The following B4GALT2 variants were observed in gnomAD, a reference collection of about 807,000 sequenced individuals.
B4GALT2 encodes N-acetyllactosamine synthase.
Under a neutral mutation model 33.2 loss-of-function variants are expected in B4GALT2, and 18 were observed. The observed-to-expected ratio is 0.54, with a 90% CI of 0.38 to 0.80. The LOEUF (loss-of-function observed/expected upper bound fraction) is 0.80, where lower values mean the gene tolerates loss of function less well. Ranked by LOEUF, B4GALT2 falls within the 30% of genes least tolerant of loss-of-function variation. B4GALT2 has a pLI of 0.00. For synonymous variants in B4GALT2, 214 were observed against 217.6 expected (o/e 0.98, Z 0.15); for missense variants, 404 against 526.2 (o/e 0.77, Z 2.27).
intron 4 of B4GALT2, 94 bp downstream of exon 4, chr1:43,985,149 G>C (rs2154303306): frequency 6.4e-7 from 1 of 1,571,880 alleles, no homozygotes; most frequent in South Asian, 1.2e-5. Context: ...TCCTGGCTGT[G>C]GCCCAGACCC....
At chr1:43,986,676 A>G (rs2085662409) in intron 6 of B4GALT2, among the ~76,000 whole-genome samples, 1 of 152,200 alleles carries the variant, frequency 6.6e-6, no homozygotes, top group Admixed American at 6.5e-5. Context: ...TTCACCATGT[A>G]CATGTCAGGG....
chr1:43,982,054 C>G lies in B4GALT2; in HGVS notation c.549+130C>G. The G allele has an allele frequency of 1.1e-6, 1 of 883,120 alleles. No homozygotes were observed. Among genetic ancestry groups the G allele is most frequent in the South Asian group, 1.6e-5 (1 of 61,998 alleles). The allele number at this position is 883,120 out of a possible 1,614,324, so 54.7% of individuals were successfully genotyped here. On this transcript the variant is annotated intron_variant, in intron 3 of 6. Transcript: ENST00000372324. The surrounding 1 kb of genome is among the most constrained non-coding windows in gnomAD (Gnocchi z 4.3). ...GGTAGTCGGTGTTTGTCAGTGTGCA[C>G]AGGAATGTGTACGCACAGTGTGTGC...
chr1:43,985,449 G>GA (rs2085647560), intron 5 of B4GALT2, 49 bp downstream of exon 5: 1 of 858,858 alleles, frequency 1.2e-6, no homozygotes, highest in Non-Finnish European at 1.8e-6. Context: ...GGGGAGGGGG[G>GA]GTGCAGACTG....
rs1181578058 is a variant in B4GALT2 at position 43,990,574 on chromosome 1, A to C, written c.*126A>C. 1.5e-6 allele frequency: 2 copies of C among 1,338,822 alleles called. No individual in the cohort carries two copies. The highest frequency in any genetic ancestry group is 1.0e-6 in the Non-Finnish European group (1 of 972,702). The allele number at this position is 1,338,822 out of a possible 1,614,324, so 82.9% of individuals were successfully genotyped here. A position where few individuals can be genotyped will look rare whatever the true frequency, so the allele number is the denominator to read the frequency against. On this transcript the variant is annotated 3_prime_UTR_variant, in exon 7 of 7. Coordinates refer to ENST00000372324, the MANE Select transcript of B4GALT2 (RefSeq NM_003780.5). ...TGGGCTCTGTTTTCCAAGGGTCTTCACTAGGCCCCCTAGCTACACCTGGAA... is the reference window on the plus strand; with the variant it reads ...TGGGCTCTGTTTTCCAAGGGTCTTCCCTAGGCCCCCTAGCTACACCTGGAA...
At chr1:43,980,547 C>T (rs970239235) in intron 1 of B4GALT2, 17 of 994,342 alleles carry the variant, frequency 1.7e-5, no homozygotes, top group Non-Finnish European at 2.0e-5. Flanking sequence ...TCTGAATGAC[C>T]AAACCACTTC....
rs1445466477 is a variant in B4GALT2 at position 43,982,389 on chromosome 1, C to T, written c.549+465C>T. Among the ~76,000 whole-genome samples, 3 of 150,862 alleles carry T rather than the reference C, an allele frequency of 2.0e-5. No homozygotes were observed. The highest frequency in any genetic ancestry group is 3.0e-5 in the Non-Finnish European group (2 of 67,648). On this transcript the variant is annotated intron_variant, in intron 3 of 6. Coordinates refer to ENST00000372324, the MANE Select transcript of B4GALT2 (RefSeq NM_003780.5). The surrounding 1 kb of genome is among the most constrained non-coding windows in gnomAD (Gnocchi z 4.3). ...AAGGGACCTCTGATGCAGGCCCCCC[C>T]GCCCCCGCCGACCACAGAGACCTCC...
At position 43,982,385 on chromosome 1, in the gene B4GALT2, C is replaced by T. The variant is rs1448533813; in HGVS notation, c.549+461C>T. On this transcript the variant is annotated intron_variant, in intron 3 of 6. Coordinates refer to ENST00000372324, the MANE Select transcript of B4GALT2 (RefSeq NM_003780.5). This position sits in a 1 kb window ranked among gnomAD's most constrained non-coding sequence, Gnocchi z 4.3. ...CCAGAAGGGACCTCTGATGCAGGCC[C>T]CCCCGCCCCCGCCGACCACAGAGAC... 1.3e-5 allele frequency among the ~76,000 whole-genome samples: 2 copies of T among 150,228 alleles called. No homozygotes were observed. Among genetic ancestry groups the T allele is most frequent in the Non-Finnish European group, 3.0e-5 (2 of 67,388 alleles).
Position 43,990,354 on chromosome 1 carries a change from T to C in B4GALT2, c.1025T>C (p.Val342Ala), listed in dbSNP as rs775651441. 2 of 1,614,014 alleles carry C rather than the reference T, an allele frequency of 1.2e-6. No homozygotes were observed. The highest frequency in any genetic ancestry group is 1.7e-6 in the Non-Finnish European group (2 of 1,180,024). Residue 342 changes from valine (V) to alanine (A), a missense_variant, in exon 7 of 7, where the codon GTG (valine) becomes GCG (alanine). Coordinates refer to ENST00000372324, the MANE Select transcript of B4GALT2 (RefSeq NM_003780.5). ...LTMKRDGIGSVRYQVLEVSRQ... is the reference protein window; with the variant it reads ...LTMKRDGIGSARYQVLEVSRQ... ...ATGAAGCGGGACGGCATTGGGTCAG[T>C]GCGGTACCAGGTCTTGGAGGTGTCT... is the stretch of plus-strand genomic sequence containing the variant.
chr1:43,986,092 C>A, intron 6 of B4GALT2: 1 of 170,882 alleles, frequency 5.9e-6, no homozygotes. Context: ...GCCCACCCCT[C>A]TGAAATTGAA....
rs1571803199 is a variant in B4GALT2, at chr1:43,982,358, T to C, written c.549+434T>C. On this transcript the variant is annotated intron_variant, in intron 3 of 6. Transcript: ENST00000372324. This position sits in a 1 kb window ranked among gnomAD's most constrained non-coding sequence, Gnocchi z 4.3. The stretch of plus-strand genomic sequence containing the variant: ...GACCTGGCTAGGGCTGGCCACTAGG[T>C]CCCAGAAGGGACCTCTGATGCAGGC... Among the ~76,000 whole-genome samples the C allele has an allele frequency of 6.6e-6, 1 of 151,320 alleles. No homozygotes were observed. The highest frequency in any genetic ancestry group is 1.5e-5 in the Non-Finnish European group (1 of 67,792).
rs1362654589 is a variant in B4GALT2 at position 43,982,944 on chromosome 1, C to T, written c.549+1020C>T. ...CCCTGCGGATGTGTGGGGCGGGAGT[C>T]GCGGGGAAGAAGTGGGGTTGTTACG... On this transcript the variant is annotated intron_variant, in intron 3 of 6. Coordinates refer to ENST00000372324, the MANE Select transcript of B4GALT2 (RefSeq NM_003780.5). The surrounding 1 kb of genome is among the most constrained non-coding windows in gnomAD (Gnocchi z 4.3). 6.6e-6 allele frequency among the ~76,000 whole-genome samples: 1 copy of T among 151,932 alleles called. No individual in the cohort carries two copies. Among genetic ancestry groups the T allele is most frequent in the Non-Finnish European group, 1.5e-5 (1 of 68,000 alleles).
rs888256393 is a variant in B4GALT2, at chr1:43,984,834, C to G, written c.550-31C>G. On this transcript the variant is annotated intron_variant, in intron 3 of 6. Coordinates refer to ENST00000372324, the MANE Select transcript of B4GALT2 (RefSeq NM_003780.5). The surrounding 1 kb of genome is among the most constrained non-coding windows in gnomAD (Gnocchi z 5.6). ...GGGCAGGTGCTTGTTGGTCACAGGCCCAGGGTTGACCTGCTCCTCCCCCTA... is the reference window on the plus strand; with the variant it reads ...GGGCAGGTGCTTGTTGGTCACAGGCGCAGGGTTGACCTGCTCCTCCCCCTA... The G allele has an allele frequency of 6.2e-7, 1 of 1,604,816 alleles. No homozygotes were observed. Among genetic ancestry groups the G allele is most frequent in the East Asian group, 2.2e-5 (1 of 44,684 alleles).
chr1:43,990,754 C>G lies in B4GALT2; in HGVS notation c.*306C>G. 2.4e-6 allele frequency: 1 copy of G among 411,352 alleles called. No homozygotes were observed. The allele number at this position is 411,352 out of a possible 1,614,324, so 25.5% of individuals were successfully genotyped here. On this transcript the variant is annotated 3_prime_UTR_variant, in exon 7 of 7. Transcript: ENST00000372324. The stretch of plus-strand genomic sequence containing the variant: ...CCCCTGCACTGCCTCGCAGAGTGGC[C>G]TGGGCTAGGTCACTCCACCTCTCTG...
At position 43,990,357 on chromosome 1, in the gene B4GALT2, G is replaced by A. The variant is rs1013133350; in HGVS notation, c.1028G>A (p.Arg343Gln). 11 of 1,614,074 alleles carry A rather than the reference G, an allele frequency of 6.8e-6. No individual in the cohort carries two copies. Among genetic ancestry groups the A allele is most frequent in the Middle Eastern group, 1.6e-4 (1 of 6,084 alleles). Residue 343 changes from arginine (R) to glutamine (Q), a missense_variant, in exon 7 of 7, where the codon CGG becomes CAG. Coordinates refer to ENST00000372324, the MANE Select transcript of B4GALT2 (RefSeq NM_003780.5). ...AAGCGGGACGGCATTGGGTCAGTGC[G>A]GTACCAGGTCTTGGAGGTGTCTCGG... is the stretch of plus-strand genomic sequence containing the variant. Reference protein sequence around the residue: ...TMKRDGIGSVRYQVLEVSRQP... With the variant: ...TMKRDGIGSVQYQVLEVSRQP...
Position 43,985,411 on chromosome 1 carries a change from A to G in B4GALT2, c.863+11A>G, listed in dbSNP as rs2085645060. ...TGACATCTTCAACCGGTGAGTAAGC[A>G]CGCGGTGGGGAATAGGCTGGGTGGG... is the stretch of plus-strand genomic sequence containing the variant. On this transcript the variant is annotated intron_variant, in intron 5 of 6. Coordinates refer to ENST00000372324, the MANE Select transcript of B4GALT2 (RefSeq NM_003780.5). 6 of 918,394 alleles carry G rather than the reference A, an allele frequency of 6.5e-6. No homozygotes were observed. The highest frequency in any genetic ancestry group is 6.1e-5 in the African/African-American group (2 of 32,530). The allele number at this position is 918,394 out of a possible 1,614,324, so 56.9% of individuals were successfully genotyped here.
chr1:43,981,020 G>C lies in B4GALT2; in HGVS notation c.-52-89G>C. ...CAGGTCAGTGTGAGGTGTGGCCCAC[G>C]AGTGTGAGCAGCTGAGTGGGAGGTA... On this transcript the variant is annotated intron_variant, in intron 1 of 6. Transcript: ENST00000372324. The surrounding 1 kb of genome is among the most constrained non-coding windows in gnomAD (Gnocchi z 8.1). The C allele has an allele frequency of 1.4e-6, 2 of 1,425,942 alleles. No homozygotes were observed. The highest frequency in any genetic ancestry group is 1.4e-5 in the South Asian group (1 of 70,832). 88.3% of individuals were successfully genotyped at this position (1,425,942 alleles called of 1,614,324 possible).
intron 4 of B4GALT2, 64 bp downstream of exon 4, chr1:43,985,119 A>G: frequency 6.3e-7 from 1 of 1,586,650 alleles, no homozygotes; most frequent in South Asian, 1.1e-5. Context: ...GCCCACTTCC[A>G]GCCCCCGAGC....
chr1:43,980,136 C>T (rs1030776660), intron 1 of B4GALT2: 2 of 1,325,518 alleles, frequency 1.5e-6, no homozygotes, highest in Admixed American at 5.9e-5. Context: ...CCAGCTGGGA[C>T]CAGGGTGTCC....
chr1:43,985,185 G>A, intron 4 of B4GALT2, 93 bp from the exon 5 acceptor site: 1 of 1,561,316 alleles, frequency 6.4e-7, no homozygotes, highest in Non-Finnish European at 8.7e-7. Flanking sequence ...ATCCTCCCTG[G>A]ACCCCATTGG....
Sources: gnomAD v4.1 joint callset for allele counts (sites outside exome capture counted in the v4.1 genomes callset) on GRCh38, gnomAD v4.1.1 for gene constraint, Gnocchi (gnomAD v3.1) non-coding constraint, MANE v1.5 for transcripts, NCBI Gene and HGNC (gene_info 2026-07-23, HGNC 2026-07-21) for gene names.